Variants in PYGO1 observed in about 807,000 individuals in gnomAD.
PYGO1 encodes pygopus homolog 1.
In PYGO1, 6 loss-of-function variants were observed where a neutral mutation model predicts 29.5. The ratio of observed to expected loss-of-function variants is 0.20; its 90% CI spans 0.11 to 0.40. The LOEUF (loss-of-function observed/expected upper bound fraction) is 0.40, where lower values mean the gene tolerates loss of function less well. PYGO1 is among the 10% of genes least tolerant of loss of function. The probability of loss-of-function intolerance (pLI) is 1.00; values close to 1 mark genes in which losing one functional copy is unlikely to be tolerated. For synonymous variants in PYGO1, 186 were observed against 180.5 expected, an observed-to-expected ratio of 1.03 and a Z score of -0.24; for missense variants, 515 against 514.9, an observed-to-expected ratio of 1.00 and a Z score of 0.00.
chr15:55,581,936 G>T (rs1414237288), intron 1 of PYGO1, among the ~76,000 whole-genome samples: 5 of 152,198 alleles, frequency 3.3e-5, no homozygotes, highest in African/African-American at 1.2e-4. Flanking sequence ...GCCGGGCGCA[G>T]TGGCTCATGC....
intron 1 of PYGO1, among the ~76,000 whole-genome samples, chr15:55,584,978 A>C (rs927209763): frequency 6.6e-6 from 1 of 152,108 alleles, no homozygotes; most frequent in Non-Finnish European, 1.5e-5. Flanking sequence ...AGAAGTCCCA[A>C]CTCTGTGGAT....
chr15:55,588,154 C>T lies in PYGO1; in HGVS notation c.-271G>A. 1.6e-6 allele frequency: 1 copy of T among 613,698 alleles called. No individual in the cohort carries two copies. The highest frequency in any genetic ancestry group is 7.2e-5 in the South Asian group (1 of 13,954). 38.0% of individuals were successfully genotyped at this position (613,698 alleles called of 1,614,324 possible). On this transcript the variant is annotated 5_prime_UTR_variant, in exon 1 of 3. It adds an upstream start codon to the 5' untranslated region. Coordinates refer to ENST00000563719, the MANE Select transcript of PYGO1 (RefSeq NM_001367806.1). ...AGCGCGGCCTGGGGGCGGCCCCCCA[C>T]CCGGGGCCGGCATGTGCTGAGGGCG...
At position 55,576,720 on chromosome 15, in the gene PYGO1, G is replaced by A. The variant is rs2059004003; in HGVS notation, c.49+11115C>T. ...CGGGAGGTGGAGGTTGCAGTGAGCC[G>A]CCGAGATTGTGCCACTGCACTCCAG... is the stretch of plus-strand genomic sequence containing the variant. On this transcript the variant is annotated intron_variant, in intron 1 of 2. Transcript: ENST00000563719. 2.5e-5 allele frequency among the ~76,000 whole-genome samples: 3 copies of A among 118,848 alleles called. 1 individual carries two copies. The East Asian group carries it at 7.1e-4, about 28-fold the overall frequency. The allele number at this position is 118,848 out of a possible 152,430, so 78.0% of individuals were successfully genotyped here.
Position 55,565,762 on chromosome 15 carries a change from T to C in PYGO1, c.50-16767A>G, listed in dbSNP as rs147841107. On this transcript the variant is annotated intron_variant, in intron 1 of 2. Coordinates refer to ENST00000563719, the MANE Select transcript of PYGO1 (RefSeq NM_001367806.1). ...AACAAAAAGAAACATATTTATTTCC[T>C]TTTCCATGTATGTCCTTTGCCATTT... Among the ~76,000 whole-genome samples the C allele has an allele frequency of 1.3e-4, 20 of 152,146 alleles. No individual in the cohort carries two copies. In the East Asian group the frequency reaches 3.7e-3, roughly 28 times the overall value.
At chr15:55,569,208 C>G (rs520515) in intron 1 of PYGO1, among the ~76,000 whole-genome samples, 5,252 of 152,118 alleles carry the variant, frequency 0.035, 225 homozygotes, top group East Asian at 0.24. Context: ...TAGAATTCAG[C>G]TATAAATTCA....
chr15:55,552,399 G>T (rs1010334677), intron 1 of PYGO1, among the ~76,000 whole-genome samples: 1 of 151,090 alleles, frequency 6.6e-6, no homozygotes, highest in Non-Finnish European at 1.5e-5. Context: ...GGGGAGCTGT[G>T]GTCCATGGCT....
intron 1 of PYGO1, among the ~76,000 whole-genome samples, chr15:55,582,597 C>T (rs2059029730): frequency 1.3e-5 from 2 of 152,134 alleles, no homozygotes. Context: ...AGCTCATACA[C>T]TCCCAAGGCA....
Position 55,555,250 on chromosome 15 carries a change from G to A in PYGO1, c.50-6255C>T, listed in dbSNP as rs117112297. On this transcript the variant is annotated intron_variant, in intron 1 of 2. Transcript: ENST00000563719. ...ATTTCCAACCAAGAATTTCATATCC[G>A]ACCAAACTAAGCTTTATAAGCAAAG... 0.011 allele frequency among the ~76,000 whole-genome samples: 1,689 copies of A among 151,918 alleles called. 75 individuals carry two copies. The East Asian group carries it at 0.14, about 12-fold the overall frequency.
rs2141638037 is a variant in PYGO1 at position 55,541,811 on chromosome 15, A to C, written c.*4212T>G. ...AAGAACTTAACCTCCTAATCACATC[A>C]GGAAAAAGACAAGACCTCTGCTTCT... On this transcript the variant is annotated 3_prime_UTR_variant, in exon 3 of 3. Transcript: ENST00000563719. The C allele has an allele frequency of 6.6e-6, 1 of 152,358 alleles. No homozygotes were observed. Among genetic ancestry groups the C allele is most frequent in the Non-Finnish European group, 1.5e-5 (1 of 68,058 alleles). 9.4% of individuals were successfully genotyped at this position (152,358 alleles called of 1,614,324 possible).
In PYGO1 at chr15:55,584,307, C is replaced by A. The variant is rs143519476; in HGVS notation, c.49+3528G>T. Among the ~76,000 whole-genome samples, 620 of 152,036 alleles carry A rather than the reference C, an allele frequency of 4.1e-3. 19 individuals are homozygous for A. The East Asian group carries it at 0.068, about 17-fold the overall frequency. ...TAATTTTTCGTACTTTTAGTAGAGACAGGTTGTCGTCCAGGCTGTTCTTAA... is the reference window on the plus strand; with the variant it reads ...TAATTTTTCGTACTTTTAGTAGAGAAAGGTTGTCGTCCAGGCTGTTCTTAA... On this transcript the variant is annotated intron_variant, in intron 1 of 2. Coordinates refer to ENST00000563719, the MANE Select transcript of PYGO1 (RefSeq NM_001367806.1).
intron 2 of PYGO1, among the ~76,000 whole-genome samples, chr15:55,548,379 T>C (rs2058861908): frequency 6.6e-6 from 1 of 151,776 alleles, no homozygotes; most frequent in South Asian, 2.1e-4. Context: ...TCTATGCCTA[T>C]AGTCTGACAA....
chr15:55,550,340 G>A (rs1044357711), intron 1 of PYGO1, among the ~76,000 whole-genome samples: 2 of 152,142 alleles, frequency 1.3e-5, no homozygotes, highest in Non-Finnish European at 2.9e-5. Context: ...GTCTTCCAAC[G>A]GGAGCTCTAG....
chr15:55,583,657 C>G (rs760673721), intron 1 of PYGO1, among the ~76,000 whole-genome samples: 1 of 152,034 alleles, frequency 6.6e-6, no homozygotes, highest in African/African-American at 2.4e-5. Context: ...GCTGGGACTA[C>G]GGGTGCACAC....
At chr15:55,550,269 C>T (rs2058873198) in intron 1 of PYGO1, among the ~76,000 whole-genome samples, 1 of 152,146 alleles carries the variant, frequency 6.6e-6, no homozygotes, top group African/African-American at 2.4e-5. Flanking sequence ...TCTTTTAGCT[C>T]CAACCCCTCT....
At chr15:55,547,261 TAACA>T (rs776574975) in intron 2 of PYGO1, 114 bp from the exon 3 acceptor site, 75 of 852,794 alleles carry the variant, frequency 8.8e-5, no homozygotes, top group Non-Finnish European at 1.1e-4. Context: ...CTTGCAGTGT[TAACA>T]AACATTTATT....
chr15:55,581,949 A>G (rs1352938827), intron 1 of PYGO1, among the ~76,000 whole-genome samples: 5 of 152,074 alleles, frequency 3.3e-5, no homozygotes, highest in African/African-American at 1.2e-4. Flanking sequence ...GCTCATGCCT[A>G]CAATCCCAGC....
At chr15:55,588,884 G>C (rs200966319), upstream of PYGO1, 5 of 1,610,490 alleles carry the variant, frequency 3.1e-6, no homozygotes, top group East Asian at 4.5e-5. Context: ...CTCCGTGTCC[G>C]CGTGGCCGTG....
intron 1 of PYGO1, among the ~76,000 whole-genome samples, chr15:55,574,003 A>T (rs766283158): frequency 1.3e-5 from 2 of 152,226 alleles, no homozygotes; most frequent in Non-Finnish European, 2.9e-5. Context: ...TCTACGGTAT[A>T]TATCAAGCAA....
upstream of PYGO1, among the ~76,000 whole-genome samples, chr15:55,588,406 G>A (rs2059059734): frequency 6.7e-6 from 1 of 148,812 alleles, no homozygotes; most frequent in Admixed American, 6.7e-5. Context: ...GGGACGTGGC[G>A]CGGCCCCGCG....
Sources: gnomAD v4.1 joint callset for allele counts (sites outside exome capture counted in the v4.1 genomes callset) on GRCh38, gnomAD v4.1.1 for gene constraint, MANE v1.5 for transcripts, NCBI Gene and HGNC (gene_info 2026-07-23, HGNC 2026-07-21) for gene names.